The following NAA11 variants were observed in gnomAD, a reference collection of about 807,000 sequenced individuals.
The protein encoded by NAA11 is N-alpha-acetyltransferase 11.
In NAA11, 15 loss-of-function variants were observed where a neutral mutation model predicts 16.1. The ratio of observed to expected loss-of-function variants is 0.93; its 90% CI spans 0.62 to 1.44. The LOEUF (loss-of-function observed/expected upper bound fraction) is 1.44, where lower values mean the gene tolerates loss of function less well. Among genes scored for constraint, NAA11 ranks in the 40% most tolerant of loss-of-function variants. The pLI is 0.00. For missense variants in NAA11, 298 were observed against 291.3 expected, an observed-to-expected ratio of 1.02 and a Z score of -0.17; for synonymous variants, 122 against 112.4, an observed-to-expected ratio of 1.09 and a Z score of -0.54.
Position 79,238,536 on chromosome 4 carries a change from T to C in NAA11, c.*123-12266A>G, listed in dbSNP as rs1022265133. On this transcript the variant is annotated intron_variant and NMD_transcript_variant, in intron 2 of 2. Transcript: ENST00000511542. ...TTTAAAAAATTGCCTAGAATATGTA[T>C]GATATATATTAGCCCAGATTACCTA... 7.2e-5 allele frequency among the ~76,000 whole-genome samples: 11 copies of C among 152,230 alleles called. No homozygotes were observed. The East Asian group carries it at 1.9e-3, about 27-fold the overall frequency.
intron 2 of NAA11, among the ~76,000 whole-genome samples, chr4:79,265,812 T>C (rs1056440522): frequency 6.6e-6 from 1 of 152,142 alleles, no homozygotes; most frequent in Non-Finnish European, 1.5e-5. Flanking sequence ...GATGAGGGTC[T>C]TGCTTTGCTG....
At chr4:79,283,371 CT>C (rs1192928327) in intron 2 of NAA11, among the ~76,000 whole-genome samples, 5 of 151,384 alleles carry the variant, frequency 3.3e-5, no homozygotes, top group Admixed American at 2.6e-4. Flanking sequence ...CGGAAGGTAA[CT>C]TTTTTTTAGA....
At chr4:79,296,865 A>G (rs1229905220) in intron 1 of NAA11, among the ~76,000 whole-genome samples, 1 of 152,104 alleles carries the variant, frequency 6.6e-6, no homozygotes, top group East Asian at 1.9e-4. Flanking sequence ...TCTCACTCCC[A>G]TCTAATCCCC....
chr4:79,266,328 C>G (rs1722344661), intron 2 of NAA11, among the ~76,000 whole-genome samples: 1 of 152,178 alleles, frequency 6.6e-6, no homozygotes, highest in African/African-American at 2.4e-5. Context: ...GGCAGGCAAC[C>G]TGATGTGCAC....
At chr4:79,156,014 A>G in the NAA11 span, among the ~76,000 whole-genome samples, 5,674 of 152,296 alleles carry the variant, frequency 0.037, 360 homozygotes, top group African/African-American at 0.13. Flanking sequence ...CCAAATGGCT[A>G]TCTCATCTTA....
At chr4:79,184,053 G>C in the NAA11 span, among the ~76,000 whole-genome samples, 3 of 152,128 alleles carry the variant, frequency 2.0e-5, no homozygotes, top group Non-Finnish European at 4.4e-5. Context: ...ATAACACAGA[G>C]ATGGCTTCTG....
the NAA11 span, among the ~76,000 whole-genome samples, chr4:79,188,206 A>G: frequency 6.6e-6 from 1 of 152,196 alleles, no homozygotes; most frequent in African/African-American, 2.4e-5. Flanking sequence ...GTTGTCACTG[A>G]AACAGCAAGC....
chr4:79,325,277 C>T lies in NAA11; in HGVS notation c.601G>A (p.Glu201Lys). The T allele has an allele frequency of 6.2e-7, 1 of 1,613,860 alleles. No individual in the cohort carries two copies. ...GGTTCTTTGCTGTCACTGCCACTTTCTTCGGTAGCCGGGTTCTTTTGCTGA... is the reference window on the plus strand; with the variant it reads ...GGTTCTTTGCTGTCACTGCCACTTTTTTCGGTAGCCGGGTTCTTTTGCTGA... ...ACQQKNPATE[E>K]SGSDSKEPKE... Residue 201 changes from glutamate (E) to lysine (K), a missense_variant, in exon 1 of 2, where the codon GAA becomes AAA. Transcript: ENST00000286794.
chr4:79,213,510 T>C, the NAA11 span, among the ~76,000 whole-genome samples: 2 of 152,166 alleles, frequency 1.3e-5, no homozygotes, highest in African/African-American at 2.4e-5. Context: ...ATGCATAATA[T>C]GGTAAGAATA....
At chr4:79,279,782 T>C (rs1426858542) in intron 2 of NAA11, among the ~76,000 whole-genome samples, 1 of 152,116 alleles carries the variant, frequency 6.6e-6, no homozygotes, top group East Asian at 1.9e-4. Flanking sequence ...TTTTCTAAAG[T>C]GTTAGCTGGC....
At chr4:79,218,250 A>C in the NAA11 span, among the ~76,000 whole-genome samples, 1 of 152,110 alleles carries the variant, frequency 6.6e-6, no homozygotes, top group African/African-American at 2.4e-5. Flanking sequence ...AAAATTAACA[A>C]TATAACTTAA....
In NAA11 at chr4:79,325,510, G is replaced by A. The variant is rs1724244027; in HGVS notation, c.368C>T (p.Ser123Phe). The change falls in exon 1 of 2, where the codon TCT (serine) becomes TTT (phenylalanine). Residue 123 changes from serine (S) to phenylalanine (F), a missense_variant. Ser to Phe is a radical substitution (Grantham distance 155). Coordinates refer to ENST00000286794, the MANE Select transcript of NAA11 (RefSeq NM_032693.3). ...KSNRPALHLY[S>F]NTLNFQISEV... Reference sequence around the variant, plus strand: ...ACTAATCTGAAAGTTGAGGGTGTTAGAATAAAGGTGCAAGGCTGGCCGGTT... The same window carrying A: ...ACTAATCTGAAAGTTGAGGGTGTTAAAATAAAGGTGCAAGGCTGGCCGGTT... The A allele has an allele frequency of 6.2e-7, 1 of 1,614,074 alleles. No homozygotes were observed. The highest frequency in any genetic ancestry group is 1.7e-5 in the Admixed American group (1 of 60,008).
chr4:79,257,147 T>G (rs1190550366), intron 2 of NAA11, among the ~76,000 whole-genome samples: 1 of 152,200 alleles, frequency 6.6e-6, no homozygotes, highest in Non-Finnish European at 1.5e-5. Flanking sequence ...GCCCTCTCTA[T>G]TTTTCCCCTA....
chr4:79,201,404 G>A, the NAA11 span, among the ~76,000 whole-genome samples: 1 of 151,696 alleles, frequency 6.6e-6, no homozygotes, highest in African/African-American at 2.4e-5. Context: ...ACAGTATTGA[G>A]TATTGATAAC....
intron 1 of NAA11, chr4:79,299,023 G>A (rs1053529113): frequency 8.5e-5 from 13 of 152,262 alleles, no homozygotes; most frequent in African/African-American, 2.9e-4. Context: ...TTGAGAGCAA[G>A]GACTAAATCT....
the NAA11 span, among the ~76,000 whole-genome samples, chr4:79,219,154 T>C: frequency 2.0e-5 from 3 of 152,162 alleles, no homozygotes; most frequent in Non-Finnish European, 4.4e-5. Context: ...TTAAAAACTG[T>C]TTTGGAAGTG....
chr4:79,219,054 A>G, the NAA11 span, among the ~76,000 whole-genome samples: 1 of 152,178 alleles, frequency 6.6e-6, no homozygotes, highest in African/African-American at 2.4e-5. Context: ...AAACATATTT[A>G]TAAATGGGTT....
intron 1 of NAA11, among the ~76,000 whole-genome samples, chr4:79,298,483 G>T (rs949751871): frequency 2.6e-5 from 4 of 152,206 alleles, no homozygotes; most frequent in African/African-American, 7.2e-5. Context: ...CAAGATTCCA[G>T]GTGCCACCAC....
intron 2 of NAA11, among the ~76,000 whole-genome samples, chr4:79,281,281 A>T (rs1295098528): frequency 2.0e-5 from 3 of 151,968 alleles, no homozygotes; most frequent in African/African-American, 7.2e-5. Flanking sequence ...GAGGAAAAAA[A>T]AAAAAACATT....
Sources: gnomAD v4.1 joint callset for allele counts (sites outside exome capture counted in the v4.1 genomes callset) on GRCh38, gnomAD v4.1.1 for gene constraint, MANE v1.5 for transcripts, NCBI Gene and HGNC (gene_info 2026-07-23, HGNC 2026-07-21) for gene names.